The following ARB2A variants were observed in gnomAD, a reference collection of about 807,000 sequenced individuals.
The protein encoded by ARB2A is ARB2 cotranscriptional regulator A.
the ARB2A span, among the ~76,000 whole-genome samples, chr5:93,686,618 C>T: frequency 6.6e-5 from 10 of 152,278 alleles, no homozygotes; most frequent in African/African-American, 2.2e-4. Flanking sequence ...GCTGGAAGAT[C>T]ATGGTCCAAC....
the ARB2A span, among the ~76,000 whole-genome samples, chr5:93,725,242 C>T: frequency 5.3e-5 from 8 of 151,902 alleles, no homozygotes; most frequent in Non-Finnish European, 8.8e-5. Context: ...GAACATTAAC[C>T]GTATATTTTC....
At chr5:93,947,869 G>T in the ARB2A span, among the ~76,000 whole-genome samples, 2 of 151,650 alleles carry the variant, frequency 1.3e-5, no homozygotes, top group African/African-American at 4.8e-5. Flanking sequence ...TGGCTGCATA[G>T]TATTCCATGG....
At chr5:93,680,445 T>A in the ARB2A span, among the ~76,000 whole-genome samples, 2 of 152,222 alleles carry the variant, frequency 1.3e-5, no homozygotes, top group South Asian at 4.1e-4. Flanking sequence ...TTTAGAGTTA[T>A]GTCTGGAATA....
At chr5:93,752,887 T>C in the ARB2A span, among the ~76,000 whole-genome samples, 1 of 152,166 alleles carries the variant, frequency 6.6e-6, no homozygotes, top group African/African-American at 2.4e-5. Context: ...TAAGGTAGCA[T>C]ACAACAATGA....
the ARB2A span, among the ~76,000 whole-genome samples, chr5:94,059,817 A>AT: frequency 3.6e-4 from 55 of 151,596 alleles, no homozygotes; most frequent in Non-Finnish European, 4.1e-4. Context: ...AGAAATAAAG[A>AT]TTTTTTTTCA....
chr5:93,877,935 T>G, the ARB2A span, among the ~76,000 whole-genome samples: 2 of 152,224 alleles, frequency 1.3e-5, no homozygotes, highest in East Asian at 3.9e-4. Context: ...GAAATTGCAA[T>G]GGGTCAGGTT....
the ARB2A span, among the ~76,000 whole-genome samples, chr5:93,919,532 G>T: frequency 6.6e-6 from 1 of 152,122 alleles, no homozygotes. Context: ...ATGAAAATTG[G>T]AGAGCACGGT....
At chr5:93,986,408 G>T in the ARB2A span, among the ~76,000 whole-genome samples, 1 of 144,058 alleles carries the variant, frequency 6.9e-6, no homozygotes, top group Non-Finnish European at 1.5e-5. Flanking sequence ...GGAGGTGGGG[G>T]GCGCCTCTGC....
the ARB2A span, among the ~76,000 whole-genome samples, chr5:94,044,920 C>T: frequency 9.9e-5 from 15 of 151,760 alleles, no homozygotes; most frequent in African/African-American, 3.6e-4. Flanking sequence ...GAGTTGGAGA[C>T]CAGATTGGCC....
At chr5:94,046,870 A>G in the ARB2A span, among the ~76,000 whole-genome samples, 1 of 152,218 alleles carries the variant, frequency 6.6e-6, no homozygotes, top group Non-Finnish European at 1.5e-5. Flanking sequence ...AATTAACTAT[A>G]GTGAAAACTC....
chr5:93,943,400 T>C, the ARB2A span, among the ~76,000 whole-genome samples: 1 of 152,104 alleles, frequency 6.6e-6, no homozygotes, highest in Admixed American at 6.6e-5. Flanking sequence ...AACAAAGGTA[T>C]ATTTAAAAGT....
At chr5:93,808,585 A>G in the ARB2A span, among the ~76,000 whole-genome samples, 1 of 151,990 alleles carries the variant, frequency 6.6e-6, no homozygotes, top group African/African-American at 2.4e-5. Context: ...TTTTTCTTTT[A>G]AAGTTAATGT....
the ARB2A span, among the ~76,000 whole-genome samples, chr5:94,010,694 T>C: frequency 1.3e-5 from 2 of 152,104 alleles, no homozygotes; most frequent in African/African-American, 2.4e-5. Context: ...TCAATCTCAC[T>C]TTCTTTGAAT....
chr5:93,978,479 G>A, the ARB2A span, among the ~76,000 whole-genome samples: 1 of 152,246 alleles, frequency 6.6e-6, no homozygotes, highest in East Asian at 1.9e-4. Flanking sequence ...CATGGATGCA[G>A]CTGAAGACCA....
chr5:93,835,117 G>A, the ARB2A span, among the ~76,000 whole-genome samples: 1 of 152,164 alleles, frequency 6.6e-6, no homozygotes, highest in African/African-American at 2.4e-5. Flanking sequence ...CAGAATACAG[G>A]TGGAATTTCC....
At chr5:94,042,009 C>T in the ARB2A span, among the ~76,000 whole-genome samples, 1 of 151,912 alleles carries the variant, frequency 6.6e-6, no homozygotes, top group Non-Finnish European at 1.5e-5. Context: ...CAGTTCTACA[C>T]GCAAGGTATG....
At chr5:93,679,425 C>T in the ARB2A span, among the ~76,000 whole-genome samples, 1 of 151,982 alleles carries the variant, frequency 6.6e-6, no homozygotes, top group African/African-American at 2.4e-5. Context: ...TTCACTTGGC[C>T]ATGGCAATGG....
chr5:93,895,363 G>T, the ARB2A span, among the ~76,000 whole-genome samples: 1 of 152,172 alleles, frequency 6.6e-6, no homozygotes, highest in Admixed American at 6.6e-5. Context: ...CATTTGAAAA[G>T]AACTTGAACA....
the ARB2A span, chr5:93,824,401 A>G: frequency 2.0e-6 from 1 of 487,882 alleles, no homozygotes; most frequent in Non-Finnish European, 3.3e-6. Flanking sequence ...TAAAAATAAT[A>G]TAAAAGAACT....
Sources: gnomAD v4.1 joint callset for allele counts (sites outside exome capture counted in the v4.1 genomes callset) on GRCh38, gnomAD v4.1.1 for gene constraint, MANE v1.5 for transcripts, NCBI Gene and HGNC (gene_info 2026-07-23, HGNC 2026-07-21) for gene names.